TMEM117: variants seen among roughly 807,000 people sequenced by gnomAD.
TMEM117 encodes transmembrane protein 117.
In TMEM117, 27 loss-of-function variants were observed where a neutral mutation model predicts 52.4. The ratio of observed to expected loss-of-function variants is 0.51; its 90% CI spans 0.38 to 0.71. The LOEUF (loss-of-function observed/expected upper bound fraction) is 0.71. Among genes scored for constraint, TMEM117 ranks in the 30% least tolerant of loss-of-function variants. The probability of loss-of-function intolerance (pLI) is 0.00; values close to 1 mark genes in which losing one functional copy is unlikely to be tolerated. For synonymous variants in TMEM117, 215 were observed against 206.3 expected (o/e 1.04, Z -0.36); for missense variants, 556 against 630.5 (o/e 0.88, Z 1.26).
chr12:43,826,727 G>A, the TMEM117 span, among the ~76,000 whole-genome samples: 1 of 152,178 alleles, frequency 6.6e-6, no homozygotes, highest in Non-Finnish European at 1.5e-5. Context: ...GATTTACTAA[G>A]TGTAAGAGAG....
chr12:44,087,795 T>C (rs1947597403), intron 3 of TMEM117, among the ~76,000 whole-genome samples: 2 of 152,158 alleles, frequency 1.3e-5, no homozygotes, highest in African/African-American at 2.4e-5. Context: ...AGTTCACAAA[T>C]GTATAGCATT....
chr12:43,907,587 GA>G (rs1944415825), intron 2 of TMEM117, among the ~76,000 whole-genome samples: 1 of 147,208 alleles, frequency 6.8e-6, no homozygotes, highest in Admixed American at 6.8e-5. Context: ...CAAAGAAGTT[GA>G]AAACTTTGAA....
intron 1 of TMEM117, among the ~76,000 whole-genome samples, chr12:43,841,162 G>A (rs1228043104): frequency 6.6e-6 from 1 of 152,192 alleles, no homozygotes; most frequent in African/African-American, 2.4e-5. Flanking sequence ...ATTCCAGCCA[G>A]CTTAAATGAT....
chr12:44,064,598 G>T (rs563388653), intron 3 of TMEM117, among the ~76,000 whole-genome samples: 11 of 152,124 alleles, frequency 7.2e-5, no homozygotes, highest in South Asian at 4.1e-4. Context: ...AATGACTCGT[G>T]ATTAATTTTT....
At chr12:44,094,475 T>C (rs1426272502) in intron 3 of TMEM117, among the ~76,000 whole-genome samples, 3 of 152,092 alleles carry the variant, frequency 2.0e-5, no homozygotes, top group Admixed American at 1.3e-4. Flanking sequence ...GGCTTTCTGA[T>C]TATATTGAAA....
intron 3 of TMEM117, among the ~76,000 whole-genome samples, chr12:43,989,320 C>A (rs1850002651): frequency 6.6e-6 from 1 of 152,016 alleles, no homozygotes; most frequent in Non-Finnish European, 1.5e-5. Context: ...TGATTCAGAC[C>A]TCCCTGGAAT....
chr12:44,166,737 G>A (rs1372500000), intron 4 of TMEM117, among the ~76,000 whole-genome samples: 2 of 152,156 alleles, frequency 1.3e-5, no homozygotes, highest in African/African-American at 2.4e-5. Flanking sequence ...ATGAATTTAA[G>A]CATCCTGCAA....
intron 4 of TMEM117, among the ~76,000 whole-genome samples, chr12:44,194,453 T>A (rs1348304738): frequency 9.2e-5 from 14 of 152,060 alleles, no homozygotes; most frequent in Admixed American, 8.5e-4. Context: ...TAGGACAACT[T>A]CCTAGTGAAT....
At chr12:43,804,062 G>A in the TMEM117 span, 10 of 219,478 alleles carry the variant, frequency 4.6e-5, no homozygotes, top group Admixed American at 5.2e-5. Context: ...TCATTTCTGT[G>A]GCAAAGGTTG....
intron 3 of TMEM117, among the ~76,000 whole-genome samples, chr12:44,125,620 G>A (rs967978633): frequency 4.0e-5 from 6 of 151,804 alleles, no homozygotes; most frequent in Admixed American, 2.6e-4. Flanking sequence ...TTTTTTATTA[G>A]TCTAGCTAGT....
intron 6 of TMEM117, among the ~76,000 whole-genome samples, chr12:44,328,078 T>A (rs922004882): frequency 6.6e-6 from 1 of 152,204 alleles, no homozygotes; most frequent in African/African-American, 2.4e-5. Flanking sequence ...TGTGGCTTGA[T>A]GTTATCTCTA....
upstream of TMEM117, among the ~76,000 whole-genome samples, chr12:43,834,012 G>C (rs1310156899): frequency 1.3e-5 from 2 of 152,104 alleles, no homozygotes; most frequent in African/African-American, 4.8e-5. Context: ...AGGATCACTT[G>C]AGCCCAGCAG....
At chr12:43,959,660 T>C (rs1334311170) in intron 3 of TMEM117, among the ~76,000 whole-genome samples, 1 of 152,280 alleles carries the variant, frequency 6.6e-6, no homozygotes, top group Non-Finnish European at 1.5e-5. Flanking sequence ...CTGCTTCCAT[T>C]GTTTACACCG....
chr12:44,367,938 A>T (rs1242504506), intron 6 of TMEM117, among the ~76,000 whole-genome samples: 2 of 151,992 alleles, frequency 1.3e-5, no homozygotes, highest in East Asian at 3.9e-4. Context: ...TCACACCTAA[A>T]CTACTGCAAC....
chr12:44,019,976 C>T (rs11182384), intron 3 of TMEM117, among the ~76,000 whole-genome samples: 24,058 of 152,108 alleles, frequency 0.16, 2,845 homozygotes, highest in African/African-American at 0.33. Context: ...GTTAAAAACA[C>T]TCAGCAAATA....
intron 2 of TMEM117, among the ~76,000 whole-genome samples, chr12:43,875,907 AC>A: frequency 1.3e-5 from 2 of 151,994 alleles, no homozygotes; most frequent in Admixed American, 6.6e-5. Context: ...CATCTGGAAA[AC>A]CCGCATTTAG....
chr12:44,151,349 T>G (rs1240603583), intron 4 of TMEM117, among the ~76,000 whole-genome samples: 1 of 151,280 alleles, frequency 6.6e-6, no homozygotes, highest in Non-Finnish European at 1.5e-5. Context: ...TGATGGAATT[T>G]TCTTTTTTTT....
At chr12:43,940,347 C>T (rs1945024311) in intron 2 of TMEM117, among the ~76,000 whole-genome samples, 1 of 152,162 alleles carries the variant, frequency 6.6e-6, no homozygotes, top group Non-Finnish European at 1.5e-5. Context: ...GTGAAAATCA[C>T]TCCTAAAGAA....
At chr12:43,797,941 C>T in the TMEM117 span, 1 of 1,152,494 alleles carries the variant, frequency 8.7e-7, no homozygotes, top group Non-Finnish European at 1.2e-6. Context: ...CTAGCCCAAC[C>T]TATAATTAAA....
Sources: allele counts gnomAD v4.1 joint callset (sites outside exome capture counted in the v4.1 genomes callset), GRCh38; gene constraint gnomAD v4.1.1; transcripts MANE v1.5; gene names NCBI Gene and HGNC (gene_info 2026-07-23, HGNC 2026-07-21).